The following MDH1 variants were observed in gnomAD, a reference collection of about 807,000 sequenced individuals.
MDH1 encodes malate dehydrogenase 1.
A neutral mutation model predicts 38.7 loss-of-function variants in MDH1; 15 were observed. The ratio of observed to expected loss-of-function variants is 0.39; its 90% confidence interval spans 0.26 to 0.60. The LOEUF (loss-of-function observed/expected upper bound fraction) is 0.60. Ranked by LOEUF, MDH1 falls within the 20% of genes least tolerant of loss-of-function variation. The probability of loss-of-function intolerance (pLI) is 0.56; values close to 1 mark genes in which losing one functional copy is unlikely to be tolerated. For missense variants in MDH1, 368 were observed against 405.2 expected, an observed-to-expected ratio of 0.91 and a Z score of 0.79; for synonymous variants, 144 against 143.6, an observed-to-expected ratio of 1.00 and a Z score of -0.02.
chr2:63,601,064 A>G (rs1019282886), intron 5 of MDH1, among the ~76,000 whole-genome samples: 4 of 152,232 alleles, frequency 2.6e-5, no homozygotes, highest in African/African-American at 9.6e-5. Flanking sequence ...TCAAGTCTGA[A>G]TGAGCAAAGA....
intron 1 of MDH1, chr2:63,589,524 A>G (rs1257891044): frequency 3.7e-6 from 3 of 820,214 alleles, no homozygotes; most frequent in African/African-American, 1.7e-5. Context: ...CCAGATTACG[A>G]TCTGCGTTTG....
chr2:63,605,145 G>A (rs544518068), intron 6 of MDH1, 135 bp from the exon 7 acceptor site: 9 of 664,874 alleles, frequency 1.4e-5, no homozygotes, highest in Non-Finnish European at 2.1e-5. Context: ...GGCTGACATT[G>A]GGTTGTTGCA....
chr2:63,591,886 C>T (rs181804240), intron 1 of MDH1, among the ~76,000 whole-genome samples: 3 of 152,288 alleles, frequency 2.0e-5, no homozygotes, highest in South Asian at 4.1e-4. Flanking sequence ...CTTAAAACTA[C>T]TCTGTTTGTT....
At chr2:63,606,205 G>C (rs1400518063) in intron 8 of MDH1, among the ~76,000 whole-genome samples, 177 bp downstream of exon 8, 1 of 152,110 alleles carries the variant, frequency 6.6e-6, no homozygotes, top group Non-Finnish European at 1.5e-5. Context: ...AACATAGTGA[G>C]ACCCCCTCTC....
intron 4 of MDH1, among the ~76,000 whole-genome samples, chr2:63,598,719 C>A (rs1037592041): frequency 6.6e-6 from 1 of 151,774 alleles, no homozygotes; most frequent in African/African-American, 2.4e-5. Context: ...CCACAGGTGC[C>A]AGTAAAAGAT....
intron 5 of MDH1, chr2:63,599,584 AAATT>A (rs1192671160): frequency 4.9e-6 from 1 of 204,714 alleles, no homozygotes; most frequent in African/African-American, 2.4e-5. Context: ...CAGTGGTTAA[AAATT>A]AGTTATACAT....
chr2:63,594,427 T>C lies in MDH1; in HGVS notation c.4-61T>C, dbSNP rs915471037. On this transcript the variant is annotated intron_variant, in intron 1 of 8. Coordinates refer to ENST00000233114, the MANE Select transcript of MDH1 (RefSeq NM_005917.4). ...GTGGATTTCTTACTATAGATTAAAA[T>C]CCTGGATATTTTTAAGGTACAGTAG... The C allele has an allele frequency of 4.1e-6, 5 of 1,209,030 alleles. No individual in the cohort carries two copies. The African/African-American group carries it at 7.5e-5, about 18-fold the overall frequency. The allele number at this position is 1,209,030 out of a possible 1,614,324, so 74.9% of individuals were successfully genotyped here.
At chr2:63,597,991 A>C (rs1228532527) in intron 4 of MDH1, 2 of 152,686 alleles carry the variant, frequency 1.3e-5, no homozygotes, top group Non-Finnish European at 2.9e-5. Flanking sequence ...AGATTTTCTT[A>C]ATGCAGAGGA....
intron 5 of MDH1, among the ~76,000 whole-genome samples, chr2:63,601,946 C>G (rs970839554): frequency 6.6e-6 from 1 of 152,180 alleles, no homozygotes; most frequent in African/African-American, 2.4e-5. Flanking sequence ...CTGGTCATGG[C>G]AGACGTAAAA....
intron 8 of MDH1, among the ~76,000 whole-genome samples, chr2:63,606,387 CAG>C (rs764343590): frequency 6.6e-6 from 1 of 152,152 alleles, no homozygotes; most frequent in Non-Finnish European, 1.5e-5. Context: ...AAAAAGAAAA[CAG>C]AATGTTATCA....
chr2:63,607,018 G>A lies in MDH1; in HGVS notation c.*31G>A. 1 of 1,587,714 alleles carries A rather than the reference G, an allele frequency of 6.3e-7. No individual in the cohort carries two copies. Among genetic ancestry groups the A allele is most frequent in the South Asian group, 1.2e-5 (1 of 86,050 alleles). ...CAATGATGTTACTAAATGCTTCAAAGCTGAAGAATCTAAATGTCGTCTTTG... is the reference window on the plus strand; with the variant it reads ...CAATGATGTTACTAAATGCTTCAAAACTGAAGAATCTAAATGTCGTCTTTG... On this transcript the variant is annotated 3_prime_UTR_variant, in exon 9 of 9. Transcript: ENST00000233114.
chr2:63,595,637 T>C (rs1490004897), intron 3 of MDH1, 118 bp downstream of exon 3: 7 of 664,238 alleles, frequency 1.1e-5, no homozygotes, highest in Non-Finnish European at 1.9e-5. Context: ...TTTTTTTATT[T>C]TGAACTACCA....
In MDH1 at chr2:63,589,016, G is replaced by A; in HGVS notation, c.-28G>A. The A allele has an allele frequency of 6.2e-7, 1 of 1,614,230 alleles. No homozygotes were observed. Among genetic ancestry groups the A allele is most frequent in the Non-Finnish European group, 8.5e-7 (1 of 1,180,036 alleles). Reference sequence around the variant, plus strand: ...ACTCTCTGAGGCTCATTTTGCAGTTGTTGAAATTGTCCCCGCAGTTTTCAA... The same window carrying A: ...ACTCTCTGAGGCTCATTTTGCAGTTATTGAAATTGTCCCCGCAGTTTTCAA... On this transcript the variant is annotated 5_prime_UTR_variant, in exon 1 of 9. Transcript: ENST00000233114.
In MDH1 at chr2:63,599,256, C is replaced by T. The variant is rs370041076; in HGVS notation, c.462C>T (p.Cys154=). The T allele has an allele frequency of 1.5e-5, 24 of 1,613,584 alleles. No individual in the cohort carries two copies. The Admixed American group carries it at 2.2e-4, about 15-fold the overall frequency. The change falls in exon 5 of 9, where the codon TGC becomes TGT. Residue 154 remains cysteine (C), a synonymous_variant. Transcript: ENST00000233114. ...APSIPKENFS[C]LTRLDHNRAK... is the part of the protein sequence containing the mutation. ...CCATCCCCAAGGAGAACTTCAGTTG[C>T]TTGACTCGTTTGGATCACAACCGAG... is the stretch of plus-strand genomic sequence containing the variant.
intron 8 of MDH1, among the ~76,000 whole-genome samples, 170 bp downstream of exon 8, chr2:63,606,198 A>G (rs1332818237): frequency 6.6e-6 from 1 of 152,190 alleles, no homozygotes; most frequent in Admixed American, 6.5e-5. Context: ...CCGGGGCAAC[A>G]TAGTGAGACC....
intron 1 of MDH1, 55 bp downstream of exon 1, chr2:63,589,101 G>A (rs1161244148): frequency 8.1e-6 from 13 of 1,614,016 alleles, no homozygotes; most frequent in African/African-American, 2.7e-5. Context: ...CCTTGAGTGG[G>A]GTTTCTTGCA....
In MDH1 at chr2:63,597,452, A is replaced by G. The variant is rs1339136957; in HGVS notation, c.253A>G (p.Ile85Val). 3 of 1,503,708 alleles carry G rather than the reference A, an allele frequency of 2.0e-6. No individual in the cohort carries two copies. In the Admixed American group the frequency reaches 6.4e-5, roughly 32 times the overall value. 93.1% of individuals were successfully genotyped at this position (1,503,708 alleles called of 1,614,324 possible). Residue 85 changes from isoleucine to valine, a missense_variant, in exon 4 of 9, where the codon ATT becomes GTT. Physicochemically the swap from Ile to Val is conservative, Grantham distance 29 (BLOSUM62 3). Coordinates refer to ENST00000233114, the MANE Select transcript of MDH1 (RefSeq NM_005917.4). ...TGCCTTCAAAGACCTGGATGTGGCC[A>G]TTCTTGTGGGCTCCATGCCAAGAAG... Reference protein sequence around the residue: ...DVAFKDLDVAILVGSMPRREG... With the variant: ...DVAFKDLDVAVLVGSMPRREG...
chr2:63,592,013 G>A (rs1709209333), intron 1 of MDH1, among the ~76,000 whole-genome samples: 2 of 152,170 alleles, frequency 1.3e-5, no homozygotes, highest in South Asian at 2.1e-4. Context: ...AACACAGAAA[G>A]TCTGGCTCCA....
chr2:63,599,394 T>G (rs7606045), intron 5 of MDH1, 102 bp downstream of exon 5: 930,411 of 1,279,690 alleles, frequency 0.73, 339,837 homozygotes, highest in East Asian at 0.98. Context: ...TTTCTTGTTT[T>G]TGTTTAGTAG....
Sources: allele counts gnomAD v4.1 joint callset (sites outside exome capture counted in the v4.1 genomes callset), GRCh38; gene constraint gnomAD v4.1.1; transcripts MANE v1.5; gene names NCBI Gene and HGNC (gene_info 2026-07-23, HGNC 2026-07-21).